The following COL4A1 variants were observed in gnomAD, a reference collection of about 807,000 sequenced individuals.
COL4A1 encodes the protein collagen type IV alpha 1 chain, also known as collagen alpha-1(IV) chain.
COL4A1 carries 40 observed loss-of-function variants against 216.6 expected under a neutral mutation model. That is an observed-to-expected ratio of 0.18 (90% CI 0.14 to 0.24). The LOEUF (loss-of-function observed/expected upper bound fraction) is 0.24, where lower values mean the gene tolerates loss of function less well. Ranked by LOEUF, COL4A1 falls within the 10% of genes least tolerant of loss-of-function variation. The probability of loss-of-function intolerance (pLI) is 1.00; values close to 1 mark genes in which losing one functional copy is unlikely to be tolerated. For missense variants in COL4A1, 1,628 were observed against 2,196.8 expected (o/e 0.74, Z 5.18); for synonymous variants, 839 against 810.7 (o/e 1.03, Z -0.59).
At chr13:110,221,079 G>C (rs1254662127) in intron 2 of COL4A1, among the ~76,000 whole-genome samples, 1 of 152,186 alleles carries the variant, frequency 6.6e-6, no homozygotes, top group Non-Finnish European at 1.5e-5. Context: ...TCCTGATGTT[G>C]AAACATTATC....
intron 1 of COL4A1, 53 bp downstream of exon 1, chr13:110,306,891 G>C (rs1200967932): frequency 1.4e-6 from 2 of 1,413,760 alleles, no homozygotes; most frequent in African/African-American, 3.0e-5. Context: ...GGGCCTCTCG[G>C]GGCGCCCAAG....
intron 23 of COL4A1, 78 bp downstream of exon 23, chr13:110,192,752 G>T: frequency 7.7e-7 from 1 of 1,291,298 alleles, no homozygotes; most frequent in African/African-American, 1.5e-5. Flanking sequence ...CTTCTATGGA[G>T]TGAAATCCCT....
chr13:110,302,201 G>C (rs1478501586), intron 1 of COL4A1, among the ~76,000 whole-genome samples: 1 of 152,228 alleles, frequency 6.6e-6, no homozygotes, highest in Non-Finnish European at 1.5e-5. Flanking sequence ...AAGCCTCATA[G>C]TCTCTGGGCT....
intron 51 of COL4A1, 51 bp downstream of exon 51, chr13:110,152,279 AAAAT>A (rs1237213583): frequency 1.9e-6 from 3 of 1,609,664 alleles, no homozygotes; most frequent in Non-Finnish European, 2.5e-6. Context: ...GGATGATTAA[AAAAT>A]AAAGTCACAA....
Position 110,192,282 on chromosome 13 carries a change from A to T in COL4A1, c.1468T>A (p.Phe490Ile). The T allele has an allele frequency of 1.2e-6, 2 of 1,614,174 alleles. No individual in the cohort carries two copies. Among genetic ancestry groups the T allele is most frequent in the Non-Finnish European group, 1.7e-6 (2 of 1,180,010 alleles). Reference sequence around the variant, plus strand: ...CCCTTGGCCCCTGGCTGCCCTGGGAAACCTTTCGTGAGAGAGAGGGAAAAA... The same window carrying T: ...CCCTTGGCCCCTGGCTGCCCTGGGATACCTTTCGTGAGAGAGAGGGAAAAA... ...GPQGPPGEIGFPGQPGAKGDR... is the reference protein window; with the variant it reads ...GPQGPPGEIGIPGQPGAKGDR... Residue 490 changes from phenylalanine (F) to isoleucine (I), a missense_variant and splice_region_variant, in exon 24 of 52, where the codon TTC becomes ATC. Physicochemically the swap from Phe to Ile is conservative, Grantham distance 21. Around this residue, in one of 8 missense-constraint regions of COL4A1, gnomAD observed 701 missense variants for 892.5 expected, o/e 0.79. Transcript: ENST00000375820.
rs1133219 is a variant in COL4A1 at position 110,161,362 on chromosome 13, G to A, written c.4470C>T (p.Ala1490=). 0.35 allele frequency: 564,774 copies of A among 1,610,064 alleles called. 100,480 individuals carry two copies. The highest frequency in any genetic ancestry group is 0.38 in the South Asian group (34,490 of 90,728). The change falls in exon 49 of 52, where the codon GCC becomes GCT. Residue 1490 remains alanine (A), a synonymous_variant. Transcript: ENST00000375820. ...ERAHGQDLGT[A]GSCLRKFSTM... ...TGCTGAACTTGCGCAGGCAGCTGCC[G>A]GCCGTGCCTAGACAAGGAAGAAGAC... is the stretch of plus-strand genomic sequence containing the variant.
At position 110,175,091 on chromosome 13, in the gene COL4A1, G is replaced by A. The variant is rs1594549010; in HGVS notation, c.3198+127C>T. On this transcript the variant is annotated intron_variant, in intron 37 of 51. Transcript: ENST00000375820. ...ACAAGGGGAAGGAGAGGCGACTTGTGCTGCCTTATGGGACTCCCTGTGTGT... is the reference window on the plus strand; with the variant it reads ...ACAAGGGGAAGGAGAGGCGACTTGTACTGCCTTATGGGACTCCCTGTGTGT... The A allele has an allele frequency of 3.3e-6, 4 of 1,213,860 alleles. No homozygotes were observed. In the East Asian group the frequency reaches 9.4e-5, roughly 29 times the overall value. The allele number at this position is 1,213,860 out of a possible 1,614,324, so 75.2% of individuals were successfully genotyped here.
intron 49 of COL4A1, among the ~76,000 whole-genome samples, chr13:110,157,307 T>C (rs973289492): frequency 2.0e-5 from 3 of 152,214 alleles, no homozygotes; most frequent in Non-Finnish European, 1.5e-5. Context: ...TAGAAAGTAC[T>C]TAGAAAATTG....
Position 110,207,831 on chromosome 13 carries a change from T to C in COL4A1, c.694-342A>G, listed in dbSNP as rs1342186575. Among the ~76,000 whole-genome samples the C allele has an allele frequency of 6.6e-6, 1 of 152,134 alleles. No individual in the cohort carries two copies. Among genetic ancestry groups the C allele is most frequent in the African/African-American group, 2.4e-5 (1 of 41,414 alleles). On this transcript the variant is annotated intron_variant, in intron 12 of 51. Coordinates refer to ENST00000375820, the MANE Select transcript of COL4A1 (RefSeq NM_001845.6). The surrounding 1 kb of genome is among the most constrained non-coding windows in gnomAD (Gnocchi z 4.4). ...TGGCACGGAGGAAAGGAATACAAAC[T>C]ACCTAATAGAGCTTGAGAAAAAAGA... is the stretch of plus-strand genomic sequence containing the variant.
chr13:110,240,717 G>T (rs1363095430), intron 2 of COL4A1, among the ~76,000 whole-genome samples: 1 of 152,230 alleles, frequency 6.6e-6, no homozygotes, highest in Non-Finnish European at 1.5e-5. Context: ...GAGTGGAAGC[G>T]GCTTGGCTCT....
chr13:110,158,794 G>A (rs148511697), intron 49 of COL4A1, among the ~76,000 whole-genome samples: 12,081 of 144,418 alleles, frequency 0.084, 1,535 homozygotes, highest in African/African-American at 0.28. Context: ...CTAGGCTGGA[G>A]TGCAATGGTG....
At chr13:110,213,730 C>T (rs1346173006) in intron 4 of COL4A1, 52 bp downstream of exon 4, 21 of 1,575,832 alleles carry the variant, frequency 1.3e-5, no homozygotes, top group South Asian at 8.9e-5. Context: ...GCTCTGGAAG[C>T]GGGCCTGTCC....
At chr13:110,242,805 G>A in intron 1 of COL4A1, 71 bp from the exon 2 acceptor site, 7 of 1,508,866 alleles carry the variant, frequency 4.6e-6, no homozygotes, top group Non-Finnish European at 6.4e-6. Flanking sequence ...AAATGGAGAT[G>A]GTTCTGGCAT....
Position 110,213,774 on chromosome 13 carries a change from G to A in COL4A1, c.279+8C>T, listed in dbSNP as rs1879935244. The A allele has an allele frequency of 6.2e-7, 1 of 1,612,686 alleles. No individual in the cohort carries two copies. The highest frequency in any genetic ancestry group is 2.2e-5 in the East Asian group (1 of 44,866). On this transcript the variant is annotated splice_region_variant and intron_variant, in intron 4 of 51. Transcript: ENST00000375820. Reference sequence around the variant, plus strand: ...GAATCATCGATTGTGAGTAGCAACTGTACTCACTCTTGTCCCTTTTGTTCC... The same window carrying A: ...GAATCATCGATTGTGAGTAGCAACTATACTCACTCTTGTCCCTTTTGTTCC...
chr13:110,184,369 G>A (rs1373351339), intron 26 of COL4A1, among the ~76,000 whole-genome samples: 3 of 152,182 alleles, frequency 2.0e-5, no homozygotes, highest in Non-Finnish European at 4.4e-5. Flanking sequence ...CACAAAGACA[G>A]CACTTGATTT....
At chr13:110,261,693 G>A (rs1007383875) in intron 1 of COL4A1, among the ~76,000 whole-genome samples, 2 of 152,352 alleles carry the variant, frequency 1.3e-5, no homozygotes, top group Middle Eastern at 3.4e-3. Flanking sequence ...TTGCATCAGA[G>A]CTGAGGGCGC....
At chr13:110,220,320 A>T (rs1880414685) in intron 2 of COL4A1, among the ~76,000 whole-genome samples, 5 of 152,190 alleles carry the variant, frequency 3.3e-5, no homozygotes, top group South Asian at 2.1e-4. Flanking sequence ...CCATCCTTAA[A>T]CATGCTCAGA....
intron 1 of COL4A1, among the ~76,000 whole-genome samples, chr13:110,278,346 T>C (rs1358987654): frequency 6.6e-6 from 1 of 152,232 alleles, no homozygotes; most frequent in African/African-American, 2.4e-5. Flanking sequence ...TTATGTATTC[T>C]GCCTTCCTAG....
At chr13:110,233,317 G>C (rs758940449) in intron 2 of COL4A1, among the ~76,000 whole-genome samples, 3 of 152,044 alleles carry the variant, frequency 2.0e-5, no homozygotes, top group Non-Finnish European at 4.4e-5. Flanking sequence ...AAAAAATCTT[G>C]GCATTGCAAA....
Sources: allele counts gnomAD v4.1 joint callset (sites outside exome capture counted in the v4.1 genomes callset), GRCh38; gene constraint gnomAD v4.1.1; regional missense constraint gnomAD v4.1.1; non-coding constraint Gnocchi (gnomAD v3.1); transcripts MANE v1.5; gene names NCBI Gene and HGNC (gene_info 2026-07-23, HGNC 2026-07-21).